The following RSRC1 variants were observed in gnomAD, a reference collection of about 807,000 sequenced individuals.
RSRC1 encodes arginine and serine rich coiled-coil 1.
A neutral mutation model predicts 49.1 loss-of-function variants in RSRC1; 39 were observed. The ratio of observed to expected loss-of-function variants is 0.79; its 90% CI spans 0.61 to 1.04. The LOEUF (loss-of-function observed/expected upper bound fraction) is 1.04, where lower values mean the gene tolerates loss of function less well. Ranked by LOEUF, RSRC1 falls within the 50% of genes least tolerant of loss-of-function variation. The probability of loss-of-function intolerance (pLI) is 0.00; values close to 1 mark genes in which losing one functional copy is unlikely to be tolerated. For missense variants in RSRC1, 388 were observed against 402.4 expected, an observed-to-expected ratio of 0.96 and a Z score of 0.31; for synonymous variants, 143 against 130.8, an observed-to-expected ratio of 1.09 and a Z score of -0.63.
intron 7 of RSRC1, among the ~76,000 whole-genome samples, chr3:158,478,137 A>G (rs1183806476): frequency 6.6e-6 from 1 of 151,884 alleles, no homozygotes; most frequent in African/African-American, 2.4e-5. Flanking sequence ...TTTGGATTAT[A>G]TAGGATCTTA....
intron 6 of RSRC1, among the ~76,000 whole-genome samples, chr3:158,413,563 T>C (rs1215542295): frequency 1.3e-5 from 2 of 151,660 alleles, no homozygotes; most frequent in East Asian, 1.9e-4. Context: ...ACCTATAGAA[T>C]GGGAGAAAAT....
At chr3:158,327,906 G>A (rs1000924124) in intron 5 of RSRC1, among the ~76,000 whole-genome samples, 30 of 151,744 alleles carry the variant, frequency 2.0e-4, no homozygotes, top group Middle Eastern at 3.4e-3. Flanking sequence ...CTTTATGAAT[G>A]TGGGTGCTCC....
intron 4 of RSRC1, among the ~76,000 whole-genome samples, chr3:158,255,914 A>G (rs1309483568): frequency 6.6e-6 from 1 of 152,202 alleles, no homozygotes; most frequent in Non-Finnish European, 1.5e-5. Flanking sequence ...TTGATTTTGT[A>G]TCCTGAGGCC....
At chr3:158,441,484 CA>C (rs1736377610) in intron 6 of RSRC1, among the ~76,000 whole-genome samples, 1 of 151,948 alleles carries the variant, frequency 6.6e-6, no homozygotes, top group South Asian at 2.1e-4. Context: ...AATATTCCTG[CA>C]TCCTGGATCA....
chr3:158,470,123 TAATG>T (rs1472146328), intron 7 of RSRC1, among the ~76,000 whole-genome samples: 6 of 152,052 alleles, frequency 3.9e-5, no homozygotes, highest in African/African-American at 1.4e-4. Context: ...GTATTTTAAA[TAATG>T]AAGCCAGGTG....
intron 7 of RSRC1, among the ~76,000 whole-genome samples, chr3:158,475,035 C>T (rs1738307588): frequency 6.6e-6 from 1 of 152,086 alleles, no homozygotes; most frequent in African/African-American, 2.4e-5. Flanking sequence ...CTGCTTCAGC[C>T]TCTAGAGTAG....
intron 5 of RSRC1, among the ~76,000 whole-genome samples, chr3:158,298,934 A>T (rs1229363774): frequency 6.6e-6 from 1 of 152,192 alleles, no homozygotes; most frequent in African/African-American, 2.4e-5. Context: ...CAGTAGCAAG[A>T]GACAGCTTCA....
intron 4 of RSRC1, among the ~76,000 whole-genome samples, chr3:158,279,806 G>A (rs1726031740): frequency 6.6e-6 from 1 of 152,128 alleles, no homozygotes; most frequent in East Asian, 1.9e-4. Context: ...TGTAAGTTGT[G>A]CTTATTGAGC....
At chr3:158,517,667 A>G (rs1022036962) in intron 7 of RSRC1, among the ~76,000 whole-genome samples, 1 of 148,222 alleles carries the variant, frequency 6.7e-6, no homozygotes, top group Non-Finnish European at 1.5e-5. Context: ...ATCATGGCTC[A>G]CTGAAGTTTT....
chr3:158,229,361 T>C (rs1235404695), intron 4 of RSRC1, among the ~76,000 whole-genome samples: 5 of 109,778 alleles, frequency 4.6e-5, no homozygotes, highest in African/African-American at 8.8e-5. Context: ...TATACACATA[T>C]ACACACGTAT....
At chr3:158,289,547 GATA>G (rs1196467787) in intron 4 of RSRC1, among the ~76,000 whole-genome samples, 26 of 152,204 alleles carry the variant, frequency 1.7e-4, no homozygotes, top group African/African-American at 6.3e-4. Context: ...ATTTATTACC[GATA>G]ATAATCAGTC....
intron 3 of RSRC1, among the ~76,000 whole-genome samples, chr3:158,195,568 T>G (rs2108269031): frequency 6.6e-6 from 1 of 152,354 alleles, no homozygotes. Flanking sequence ...CATGAAGTCC[T>G]TGCCCATGCC....
chr3:158,203,030 A>G (rs1721149553), intron 3 of RSRC1, 42 bp from the exon 4 acceptor site: 14 of 1,500,082 alleles, frequency 9.3e-6, no homozygotes, highest in South Asian at 3.6e-5. Context: ...TCACGATACA[A>G]ATTATACACT....
intron 7 of RSRC1, among the ~76,000 whole-genome samples, chr3:158,479,897 T>G (rs562864551): frequency 1.3e-4 from 20 of 152,194 alleles, no homozygotes; most frequent in South Asian, 1.0e-3. Context: ...ACACTTCATT[T>G]TCTCTTTATT....
intron 6 of RSRC1, among the ~76,000 whole-genome samples, chr3:158,392,809 T>C (rs1328027532): frequency 1.3e-5 from 2 of 152,070 alleles, no homozygotes; most frequent in Non-Finnish European, 2.9e-5. Context: ...GGACCTGAAC[T>C]CAACACTTGA....
rs1204058962 is a variant in RSRC1, at chr3:158,122,262, G to C, written c.158G>C (p.Arg53Thr). The C allele has an allele frequency of 1.3e-6, 2 of 1,599,218 alleles. No individual in the cohort carries two copies. Among genetic ancestry groups the C allele is most frequent in the Non-Finnish European group, 1.7e-6 (2 of 1,172,476 alleles). ...AGATCAAAGTCAAGATCTTGGTCCAGAGATCTTCAGCCTCGTTCACATTCT... is the reference window on the plus strand; with the variant it reads ...AGATCAAAGTCAAGATCTTGGTCCACAGATCTTCAGCCTCGTTCACATTCT... ...KSRSKSRSWS[R>T]DLQPRSHSYD... is the part of the protein sequence containing the mutation. The change falls in exon 2 of 10, where the codon AGA (arginine) becomes ACA (threonine). Residue 53 changes from arginine to threonine, a missense_variant. Arg to Thr is a moderately conservative substitution (Grantham distance 71). Transcript: ENST00000611884.
At chr3:158,314,160 A>T (rs555957063) in intron 5 of RSRC1, among the ~76,000 whole-genome samples, 6 of 152,214 alleles carry the variant, frequency 3.9e-5, no homozygotes, top group South Asian at 4.2e-4. Flanking sequence ...GCACGATCTC[A>T]GCTCACCGCA....
At chr3:158,142,374 C>A (rs1198261680) in intron 3 of RSRC1, among the ~76,000 whole-genome samples, 1 of 152,106 alleles carries the variant, frequency 6.6e-6, no homozygotes, top group Admixed American at 6.6e-5. Flanking sequence ...GATCCTGTAG[C>A]CATCTTGGAA....
At chr3:158,282,867 A>G (rs1418435692) in intron 4 of RSRC1, among the ~76,000 whole-genome samples, 1 of 152,216 alleles carries the variant, frequency 6.6e-6, no homozygotes, top group Non-Finnish European at 1.5e-5. Context: ...GGCAATGACA[A>G]GAACTTGGGA....
Sources: gnomAD v4.1 joint callset for allele counts (sites outside exome capture counted in the v4.1 genomes callset) on GRCh38, gnomAD v4.1.1 for gene constraint, MANE v1.5 for transcripts, NCBI Gene and HGNC (gene_info 2026-07-23, HGNC 2026-07-21) for gene names.